The following SH2D6 variants were observed in gnomAD, a reference collection of about 807,000 sequenced individuals.
The protein encoded by SH2D6 is SH2 domain containing 6.
A neutral mutation model predicts 30.2 loss-of-function variants in SH2D6; 31 were observed. The observed-to-expected ratio is 1.03, with a 90% CI of 0.77 to 1.38. The LOEUF is 1.38. SH2D6 is among the 40% of genes most tolerant of loss of function. The pLI is 0.00. For missense variants in SH2D6, 240 were observed against 266.8 expected (o/e 0.90, Z 0.70); for synonymous variants, 93 against 104.6 (o/e 0.89, Z 0.68).
chr2:85,423,595 A>C (rs954922163), intron 5 of SH2D6, among the ~76,000 whole-genome samples: 2 of 152,186 alleles, frequency 1.3e-5, no homozygotes, highest in African/African-American at 4.8e-5. Flanking sequence ...GTCTCTCACA[A>C]AGCTCTGAAA....
intron 2 of SH2D6, chr2:85,421,756 G>C (rs1055640463): frequency 1.3e-5 from 2 of 152,460 alleles, no homozygotes; most frequent in Non-Finnish European, 2.9e-5. Flanking sequence ...GGTCACCTAA[G>C]CTGGGGCCTG....
intron 5 of SH2D6, among the ~76,000 whole-genome samples, chr2:85,423,084 C>T (rs889743719): frequency 4.6e-5 from 7 of 152,168 alleles, no homozygotes; most frequent in East Asian, 1.9e-4. Flanking sequence ...GACAGGGTTT[C>T]GCCATGTTGG....
In SH2D6 at chr2:85,431,950, G is replaced by C. The variant is rs1688707210; in HGVS notation, c.361G>C (p.Gly121Arg). The change falls in exon 14 of 24, where the codon GGG becomes CGG. Residue 121 changes from glycine to arginine, a missense_variant. Physicochemically the swap from Gly to Arg is moderately radical, Grantham distance 125. Coordinates refer to ENST00000469800, the MANE Select transcript of SH2D6 (RefSeq NM_001394463.1). ...GGCCGGAAAGCAGGGACCTATCTTT[G>C]GGAGGCGAGGTAATGGGGATGTCCT... ...PVAGKQGPIF[G>R]RREQGASSRV... 1 of 152,892 alleles carries C rather than the reference G, an allele frequency of 6.5e-6. No homozygotes were observed. Among genetic ancestry groups the C allele is most frequent in the East Asian group, 1.9e-4 (1 of 5,186 alleles). The allele number at this position is 152,892 out of a possible 1,614,324, so 9.5% of individuals were successfully genotyped here.
At chr2:85,420,353 C>T (rs964879258) in intron 2 of SH2D6, among the ~76,000 whole-genome samples, 14 of 152,202 alleles carry the variant, frequency 9.2e-5, no homozygotes, top group Non-Finnish European at 1.9e-4. Context: ...CTCCTGACCT[C>T]AGGTGATCAG....
At chr2:85,418,985 T>C (rs939547524) in intron 1 of SH2D6, 44 bp from the exon 2 acceptor site, 1 of 152,494 alleles carries the variant, frequency 6.6e-6, no homozygotes, top group African/African-American at 2.4e-5. Flanking sequence ...CACAGCCTGC[T>C]AAGCAGGCAG....
chr2:85,433,734 A>C, intron 16 of SH2D6, 103 bp downstream of exon 16: 2 of 859,054 alleles, frequency 2.3e-6, no homozygotes, highest in Non-Finnish European at 3.1e-6. Flanking sequence ...GCTGCCTCTC[A>C]CCACCCCCCA....
At chr2:85,431,731 G>A (rs537642599) in intron 13 of SH2D6, among the ~76,000 whole-genome samples, 168 bp from the exon 14 acceptor site, 30 of 152,194 alleles carry the variant, frequency 2.0e-4, no homozygotes, top group Non-Finnish European at 3.4e-4. Context: ...AGCAGGGAGC[G>A]ATTCACAGCA....
chr2:85,422,654 AC>A lies in SH2D6; in HGVS notation c.-344del, dbSNP rs2104882160. ...GAGCCGTGACACAACCAGAGATACT[AC>A]GAGCAAAGGTTCCGGAACAGGGCAG... On this transcript the variant is annotated 5_prime_UTR_variant, in exon 5 of 24. It removes the in-frame stop codon of an upstream open reading frame in the 5' UTR. Coordinates refer to ENST00000469800, the MANE Select transcript of SH2D6 (RefSeq NM_001394463.1). 1 of 152,632 alleles carries A rather than the reference AC, an allele frequency of 6.6e-6. No individual in the cohort carries two copies. Among genetic ancestry groups the A allele is most frequent in the African/African-American group, 2.4e-5 (1 of 41,572 alleles). 9.5% of individuals were successfully genotyped at this position (152,632 alleles called of 1,614,324 possible). A position where few individuals can be genotyped will look rare whatever the true frequency, so the allele number is the denominator to read the frequency against.
intron 14 of SH2D6, among the ~76,000 whole-genome samples, chr2:85,432,552 T>C (rs1390507115): frequency 2.0e-4 from 31 of 151,782 alleles, no homozygotes; most frequent in Admixed American, 4.6e-4. Context: ...AGGCGCCCGC[T>C]ACCACGCCCG....
At chr2:85,422,106 TG>T (rs1198584740) in intron 2 of SH2D6, 96 bp from the exon 3 acceptor site, 1 of 152,106 alleles carries the variant, frequency 6.6e-6, no homozygotes, top group African/African-American at 2.4e-5. Context: ...ATTGCCATTT[TG>T]GGGGTAACAT....
chr2:85,426,696 T>C (rs1374259923), intron 6 of SH2D6, among the ~76,000 whole-genome samples: 1 of 152,206 alleles, frequency 6.6e-6, no homozygotes, highest in Admixed American at 6.5e-5. Flanking sequence ...TCCTTTGCAA[T>C]ATCCTTCATA....
intron 14 of SH2D6, among the ~76,000 whole-genome samples, chr2:85,432,590 C>T (rs538660271): frequency 5.3e-5 from 8 of 151,980 alleles, no homozygotes; most frequent in East Asian, 3.9e-4. Flanking sequence ...TTAGTAGAGA[C>T]GGGGTTTCAC....
intron 7 of SH2D6, among the ~76,000 whole-genome samples, chr2:85,429,109 A>G (rs1688315382): frequency 6.6e-6 from 1 of 152,252 alleles, no homozygotes; most frequent in African/African-American, 2.4e-5. Context: ...CAAGGCCAGC[A>G]TGCTGTTTTT....
intron 13 of SH2D6, among the ~76,000 whole-genome samples, chr2:85,431,643 C>T (rs1688663465): frequency 6.6e-6 from 1 of 152,234 alleles, no homozygotes; most frequent in Non-Finnish European, 1.5e-5. Context: ...CTCCCATTCC[C>T]ACCTTTATCC....
At chr2:85,434,428 G>A in intron 18 of SH2D6, 45 bp from the exon 19 acceptor site, 2 of 1,550,528 alleles carry the variant, frequency 1.3e-6, no homozygotes, top group Non-Finnish European at 1.7e-6. Context: ...GCTCAGGGTG[G>A]GACCTGGGGC....
chr2:85,422,932 G>A (rs547921531), intron 5 of SH2D6, among the ~76,000 whole-genome samples: 3 of 152,364 alleles, frequency 2.0e-5, no homozygotes, highest in African/African-American at 4.8e-5. Context: ...TTGTCACCCA[G>A]GCTGGAGTGC....
Position 85,433,097 on chromosome 2 carries a change from A to G in SH2D6, c.371-2A>G. On this transcript the variant is annotated splice_acceptor_variant, in intron 14 of 23. Coordinates refer to ENST00000469800, the MANE Select transcript of SH2D6 (RefSeq NM_001394463.1). LOFTEE classifies it high-confidence loss of function. ...CAGGTGGTTCTCTCCTTTTCCTTTC[A>G]GAGCAGGGTGCATCGTCCAGAGTGG... 1 of 985,878 alleles carries G rather than the reference A, an allele frequency of 1.0e-6. No individual in the cohort carries two copies. The highest frequency in any genetic ancestry group is 1.2e-6 in the Non-Finnish European group (1 of 829,938). 61.1% of individuals were successfully genotyped at this position (985,878 alleles called of 1,614,324 possible). A position where few individuals can be genotyped will look rare whatever the true frequency, so the allele number is the denominator to read the frequency against.
chr2:85,428,538 G>A (rs1224690002), intron 6 of SH2D6, 46 bp from the exon 7 acceptor site: 2 of 152,150 alleles, frequency 1.3e-5, no homozygotes, highest in African/African-American at 4.8e-5. Flanking sequence ...TAGTGTGGGT[G>A]TCTTCATAAG....
At chr2:85,425,141 C>T (rs939424556) in intron 5 of SH2D6, among the ~76,000 whole-genome samples, 167 bp from the exon 6 acceptor site, 2 of 152,056 alleles carry the variant, frequency 1.3e-5, no homozygotes, top group African/African-American at 4.8e-5. Flanking sequence ...CTATCTGGTT[C>T]CACCTTCCCA....
Sources: gnomAD v4.1 joint callset for allele counts (sites outside exome capture counted in the v4.1 genomes callset) on GRCh38, gnomAD v4.1.1 for gene constraint, MANE v1.5 for transcripts, NCBI Gene and HGNC (gene_info 2026-07-23, HGNC 2026-07-21) for gene names.